Variants in ITPKC observed in about 807,000 individuals in gnomAD.
ITPKC encodes the protein inositol-trisphosphate 3-kinase C.
ITPKC carries 33 observed loss-of-function variants against 67.1 expected under a neutral mutation model. The ratio of observed to expected loss-of-function variants is 0.49; its 90% CI spans 0.37 to 0.66. The LOEUF (loss-of-function observed/expected upper bound fraction) is 0.66, where lower values mean the gene tolerates loss of function less well. Ranked by LOEUF, ITPKC falls within the 30% of genes least tolerant of loss-of-function variation. ITPKC has a pLI of 0.00. For missense variants in ITPKC, 820 were observed against 892.1 expected (o/e 0.92, Z 1.03); for synonymous variants, 341 against 359.8 (o/e 0.95, Z 0.59).
rs114672110 is a variant in ITPKC at position 40,732,552 on chromosome 19, G to C, written c.1470-608G>C. Among the ~76,000 whole-genome samples, 1,178 of 136,652 alleles carry C rather than the reference G, an allele frequency of 8.6e-3. 30 individuals carry two copies. The highest frequency in any genetic ancestry group is 0.03 in the African/African-American group (1,128 of 37,196). 89.6% of individuals were successfully genotyped at this position (136,652 alleles called of 152,430 possible). ...AAAAAAAAAAAAAAAAAAAAAGATT[G>C]TAACAAGGGCTATGAGAGTTACCAG... On this transcript the variant is annotated intron_variant, in intron 3 of 6. Transcript: ENST00000263370.
At position 40,729,351 on chromosome 19, in the gene ITPKC, C is replaced by A. The variant is rs1333298626; in HGVS notation, c.1405C>A (p.Gln469Lys). ...MVLQDGQTFNQMEDLLADFEG... is the reference protein window; with the variant it reads ...MVLQDGQTFNKMEDLLADFEG... Reference sequence around the variant, plus strand: ...GCTGCAGGATGGCCAGACCTTCAACCAGATGGAAGACCTCCTGGCTGACTT... The same window carrying A: ...GCTGCAGGATGGCCAGACCTTCAACAAGATGGAAGACCTCCTGGCTGACTT... The change falls in exon 3 of 7, where the codon CAG becomes AAG. Residue 469 changes from glutamine (Q) to lysine (K), a missense_variant. Gln to Lys is a moderately conservative substitution (Grantham distance 53). This residue lies in a region of ITPKC where 339 missense variants were observed against 422.0 expected (regional missense o/e 0.80). Coordinates refer to ENST00000263370, the MANE Select transcript of ITPKC (RefSeq NM_025194.3). 2 of 1,614,120 alleles carry A rather than the reference C, an allele frequency of 1.2e-6. No individual in the cohort carries two copies. Among genetic ancestry groups the A allele is most frequent in the Admixed American group, 3.3e-5 (2 of 60,012 alleles).
chr19:40,728,334 A>G (rs965316875), intron 2 of ITPKC, among the ~76,000 whole-genome samples: 4 of 152,092 alleles, frequency 2.6e-5, no homozygotes, highest in Non-Finnish European at 5.9e-5. Flanking sequence ...GCAGTGAGCT[A>G]TGATTATACC....
At chr19:40,728,667 C>T (rs1267039393) in intron 2 of ITPKC, among the ~76,000 whole-genome samples, 2 of 152,146 alleles carry the variant, frequency 1.3e-5, no homozygotes, top group Admixed American at 6.6e-5. Context: ...GTGCTGGGAA[C>T]AGGACTTGGT....
Position 40,725,320 on chromosome 19 carries a change from C to G in ITPKC, c.1156-20C>G. ...TTCCCTGGCCTTGGCCCTGACCCCACCCTGCTCTGCTCCCTACAGAGCAAA... is the reference window on the plus strand; with the variant it reads ...TTCCCTGGCCTTGGCCCTGACCCCAGCCTGCTCTGCTCCCTACAGAGCAAA... On this transcript the variant is annotated intron_variant, in intron 1 of 6. Transcript: ENST00000263370. 2 of 1,565,388 alleles carry G rather than the reference C, an allele frequency of 1.3e-6. No individual in the cohort carries two copies. The highest frequency in any genetic ancestry group is 8.8e-7 in the Non-Finnish European group (1 of 1,135,968).
Position 40,740,748 on chromosome 19 carries a change from T to C in ITPKC, c.*1188T>C. ...TTCTACTGACCATCTTGATACTTAT[T>C]TATACGAGAGGCAGTTGCTGGACGG... On this transcript the variant is annotated 3_prime_UTR_variant, in exon 7 of 7. Transcript: ENST00000263370. 1 of 384,860 alleles carries C rather than the reference T, an allele frequency of 2.6e-6. No individual in the cohort carries two copies. The allele number at this position is 384,860 out of a possible 1,614,324, so 23.8% of individuals were successfully genotyped here.
At chr19:40,737,579 A>G (rs189014108) in intron 5 of ITPKC, 119 bp from the exon 6 acceptor site, 2 of 849,722 alleles carry the variant, frequency 2.4e-6, no homozygotes, top group African/African-American at 3.3e-5. Flanking sequence ...TGGCTCCCCT[A>G]TTCCATCCTG....
At position 40,730,383 on chromosome 19, in the gene ITPKC, C is replaced by A. The variant is rs551834429; in HGVS notation, c.1469+968C>A. Among the ~76,000 whole-genome samples the A allele has an allele frequency of 2.0e-5, 3 of 152,224 alleles. No homozygotes were observed. In the South Asian group the frequency reaches 6.2e-4, roughly 32 times the overall value. Reference sequence around the variant, plus strand: ...TAGTCTTCAACTCTCCCATTTCATTCTTTTAGTAGTCTTTTGATAAACATA... The same window carrying A: ...TAGTCTTCAACTCTCCCATTTCATTATTTTAGTAGTCTTTTGATAAACATA... On this transcript the variant is annotated intron_variant, in intron 3 of 6. Transcript: ENST00000263370.
chr19:40,717,189 G>C lies in ITPKC; in HGVS notation c.54G>C (p.Leu18=). The C allele has an allele frequency of 3.3e-6, 4 of 1,224,938 alleles. No individual in the cohort carries two copies. The highest frequency in any genetic ancestry group is 4.1e-6 in the Non-Finnish European group (4 of 983,816). The allele number at this position is 1,224,938 out of a possible 1,614,324, so 75.9% of individuals were successfully genotyped here. A position where few individuals can be genotyped will look rare whatever the true frequency, so the allele number is the denominator to read the frequency against. ...TGAACGAGGCGGAGGCCGGGGCGCT[G>C]CCCGCGGCGGCCCGCATGGGACTGG... The part of the protein sequence containing the change: ...GSLNEAEAGA[L]PAAARMGLEA... Residue 18 remains leucine (L), a synonymous_variant, in exon 1 of 7, where the codon CTG becomes CTC. Coordinates refer to ENST00000263370, the MANE Select transcript of ITPKC (RefSeq NM_025194.3).
rs750967890 is a variant in ITPKC, at chr19:40,725,448, G to C, written c.1255+9G>C. 4.4e-6 allele frequency: 7 copies of C among 1,573,600 alleles called. No homozygotes were observed. The highest frequency in any genetic ancestry group is 5.2e-6 in the Non-Finnish European group (6 of 1,142,964). ...GCTTTCTGGACATGCTGGTAAGTGG[G>C]GTGGTGGTGGACAGAGCTGGGCAGA... On this transcript the variant is annotated intron_variant, in intron 2 of 6. Coordinates refer to ENST00000263370, the MANE Select transcript of ITPKC (RefSeq NM_025194.3).
chr19:40,733,032 T>C, intron 3 of ITPKC, 128 bp from the exon 4 acceptor site: 1 of 708,260 alleles, frequency 1.4e-6, no homozygotes, highest in Non-Finnish European at 2.4e-6. Context: ...TTGTGGACTC[T>C]GTTGTATTCT....
In ITPKC at chr19:40,717,164, T is replaced by C; in HGVS notation, c.29T>C (p.Leu10Pro). Reference sequence around the variant, plus strand: ...AGGCGCTGCCCGTGCCGTGGGAGCCTGAACGAGGCGGAGGCCGGGGCGCTG... The same window carrying C: ...AGGCGCTGCCCGTGCCGTGGGAGCCCGAACGAGGCGGAGGCCGGGGCGCTG... The part of the protein sequence containing the change: MRRCPCRGS[L>P]NEAEAGALPA... Residue 10 changes from leucine (L) to proline (P), a missense_variant, in exon 1 of 7, where the codon CTG (leucine) becomes CCG (proline). This residue lies in a region of ITPKC where 481 missense variants were observed against 470.1 expected (regional missense o/e 1.02). Coordinates refer to ENST00000263370, the MANE Select transcript of ITPKC (RefSeq NM_025194.3). The C allele has an allele frequency of 8.2e-7, 1 of 1,226,608 alleles. No individual in the cohort carries two copies. The highest frequency in any genetic ancestry group is 1.0e-6 in the Non-Finnish European group (1 of 984,906). The allele number at this position is 1,226,608 out of a possible 1,614,324, so 76.0% of individuals were successfully genotyped here.
intron 1 of ITPKC, among the ~76,000 whole-genome samples, chr19:40,719,209 C>T (rs1191006584): frequency 6.6e-6 from 1 of 152,082 alleles, no homozygotes; most frequent in African/African-American, 2.4e-5. Flanking sequence ...TCCTTGGGGA[C>T]GTGTTCACAC....
chr19:40,739,274 A>T, intron 6 of ITPKC, 83 bp from the exon 7 acceptor site: 1 of 1,004,434 alleles, frequency 1.0e-6, no homozygotes. Flanking sequence ...TCATGCTGTC[A>T]ATCACCCTGC....
intron 1 of ITPKC, among the ~76,000 whole-genome samples, chr19:40,720,667 C>G (rs2065334214): frequency 6.6e-6 from 1 of 152,134 alleles, no homozygotes; most frequent in African/African-American, 2.4e-5. Context: ...TTTGGAGCCT[C>G]CGGTCTCCAG....
chr19:40,718,052 C>T lies in ITPKC; in HGVS notation c.917C>T (p.Pro306Leu). The change falls in exon 1 of 7, where the codon CCA (proline) becomes CTA (leucine). Residue 306 changes from proline (P) to leucine (L), a missense_variant. Pro to Leu is a moderately conservative substitution (Grantham distance 98). Transcript: ENST00000263370. ...GEPEDGPLEEPEPGELLTHLY... is the reference protein window; with the variant it reads ...GEPEDGPLEELEPGELLTHLY... ...CCTGAGGATGGCCCATTAGAGGAACCAGAGCCTGGAGAATTGCTGACTCAC... is the reference window on the plus strand; with the variant it reads ...CCTGAGGATGGCCCATTAGAGGAACTAGAGCCTGGAGAATTGCTGACTCAC... 1.2e-6 allele frequency: 2 copies of T among 1,614,138 alleles called. No individual in the cohort carries two copies. Among genetic ancestry groups the T allele is most frequent in the Non-Finnish European group, 1.7e-6 (2 of 1,180,028 alleles).
rs1300194969 is a variant in ITPKC at position 40,737,725 on chromosome 19, C to G, written c.1804C>G (p.Leu602Val). 6.2e-7 allele frequency: 1 copy of G among 1,614,146 alleles called. No individual in the cohort carries two copies. Among genetic ancestry groups the G allele is most frequent in the Admixed American group, 1.7e-5 (1 of 60,026 alleles). Residue 602 changes from leucine (L) to valine (V), a missense_variant, in exon 6 of 7, where the codon CTT (leucine) becomes GTT (valine). Coordinates refer to ENST00000263370, the MANE Select transcript of ITPKC (RefSeq NM_025194.3). ...LQKYVACLEE[L>V]REALEISPFF... ...AAAGTACGTGGCATGCCTAGAAGAA[C>G]TTCGTGAAGCTCTGGAGATCTCCCC...
intron 1 of ITPKC, among the ~76,000 whole-genome samples, chr19:40,724,321 TG>T (rs1170840410): frequency 6.6e-6 from 1 of 152,146 alleles, no homozygotes; most frequent in African/African-American, 2.4e-5. Context: ...GTCCAGGAGT[TG>T]GAGGTTGCAG....
chr19:40,720,219 G>A (rs1006387477), intron 1 of ITPKC, among the ~76,000 whole-genome samples: 1 of 151,958 alleles, frequency 6.6e-6, no homozygotes, highest in African/African-American at 2.4e-5. Flanking sequence ...ACAAAAATTA[G>A]CCAGGCGTGT....
chr19:40,739,492 C>A lies in ITPKC; in HGVS notation c.1984C>A (p.Arg662Ser). 1 of 1,613,678 alleles carries A rather than the reference C, an allele frequency of 6.2e-7. No homozygotes were observed. The highest frequency in any genetic ancestry group is 1.1e-5 in the South Asian group (1 of 91,086). ...SHRLPWAEGN[R>S]EDGYLWGLDN... Reference sequence around the variant, plus strand: ...CAGGCTGCCCTGGGCTGAGGGCAACCGTGAGGACGGCTACCTCTGGGGCCT... The same window carrying A: ...CAGGCTGCCCTGGGCTGAGGGCAACAGTGAGGACGGCTACCTCTGGGGCCT... Residue 662 changes from arginine (R) to serine (S), a missense_variant, in exon 7 of 7, where the codon CGT becomes AGT. Arg to Ser is a moderately radical substitution (Grantham distance 110). This residue lies in a region of ITPKC where 339 missense variants were observed against 422.0 expected (regional missense o/e 0.80). Transcript: ENST00000263370.
Sources: allele counts gnomAD v4.1 joint callset (sites outside exome capture counted in the v4.1 genomes callset), GRCh38; gene constraint gnomAD v4.1.1; regional missense constraint gnomAD v4.1.1; transcripts MANE v1.5; gene names NCBI Gene and HGNC (gene_info 2026-07-23, HGNC 2026-07-21).